The following CDH2 variants were observed in gnomAD, a reference collection of about 807,000 sequenced individuals.
CDH2 encodes cadherin-2.
In CDH2, 17 loss-of-function variants were observed where a neutral mutation model predicts 92.0. The observed-to-expected ratio is 0.18, with a 90% CI of 0.13 to 0.28. CDH2 has a LOEUF of 0.28. Among genes scored for constraint, CDH2 ranks in the 10% least tolerant of loss-of-function variants. The probability of loss-of-function intolerance (pLI) is 1.00; values close to 1 mark genes in which losing one functional copy is unlikely to be tolerated. For synonymous variants in CDH2, 419 were observed against 415.9 expected (o/e 1.01, Z -0.09); for missense variants, 862 against 1,133.1 (o/e 0.76, Z 3.44).
At chr18:28,107,051 T>C (rs1274648626) in intron 2 of CDH2, among the ~76,000 whole-genome samples, 1 of 152,034 alleles carries the variant, frequency 6.6e-6, no homozygotes, top group Non-Finnish European at 1.5e-5. Flanking sequence ...ACTCCACAAG[T>C]TTGACAATTA....
intron 2 of CDH2, among the ~76,000 whole-genome samples, chr18:28,037,642 C>T (rs2013861645): frequency 6.6e-6 from 1 of 152,052 alleles, no homozygotes; most frequent in Admixed American, 6.6e-5. Context: ...GAAAGCAAAG[C>T]TAACCACTGC....
intron 2 of CDH2, among the ~76,000 whole-genome samples, chr18:28,022,480 A>G (rs907520803): frequency 2.6e-5 from 4 of 152,086 alleles, no homozygotes; most frequent in African/African-American, 9.7e-5. Context: ...TCCTGATTGA[A>G]ATATCAAATT....
At position 27,952,063 on chromosome 18, in the gene CDH2, T is replaced by G; in HGVS notation, c.*90A>C. On this transcript the variant is annotated 3_prime_UTR_variant, in exon 16 of 16. Coordinates refer to ENST00000269141, the MANE Select transcript of CDH2 (RefSeq NM_001792.5). ...TCCAGCAAGCACTGTGCTAGTAGAC[T>G]ACAAAGTTAAAGCCTAGCTTCTGAA... 1.7e-6 allele frequency: 2 copies of G among 1,180,300 alleles called. No individual in the cohort carries two copies. The highest frequency in any genetic ancestry group is 2.5e-6 in the Non-Finnish European group (2 of 792,882). 73.1% of individuals were successfully genotyped at this position (1,180,300 alleles called of 1,614,324 possible).
chr18:28,134,227 G>C (rs2015824446), intron 2 of CDH2, among the ~76,000 whole-genome samples: 1 of 151,026 alleles, frequency 6.6e-6, no homozygotes, highest in Middle Eastern at 3.5e-3. Flanking sequence ...CCAAGACTGT[G>C]CCACTGCACT....
intron 2 of CDH2, among the ~76,000 whole-genome samples, chr18:28,025,032 T>G (rs972636538): frequency 2.0e-5 from 3 of 152,140 alleles, no homozygotes; most frequent in African/African-American, 7.2e-5. Context: ...TTGCATAAAA[T>G]CTTCACTGAG....
intron 7 of CDH2, among the ~76,000 whole-genome samples, chr18:27,997,345 G>T (rs2143991273): frequency 6.6e-6 from 1 of 152,286 alleles, no homozygotes; most frequent in African/African-American, 2.4e-5. Flanking sequence ...GTAAAACAGT[G>T]ACCAAAACGA....
rs189775573 is a variant in CDH2 at position 28,043,079 on chromosome 18, G to C, written c.173-29170C>G. 5.3e-3 allele frequency among the ~76,000 whole-genome samples: 800 copies of C among 152,052 alleles called. 11 individuals carry two copies. The highest frequency in any genetic ancestry group is 0.018 in the African/African-American group (754 of 41,438). Reference sequence around the variant, plus strand: ...TTAAAAAGAAATCAACTATTTGTTGGCTGTGATATATATATACACCATGGA... The same window carrying C: ...TTAAAAAGAAATCAACTATTTGTTGCCTGTGATATATATATACACCATGGA... On this transcript the variant is annotated intron_variant, in intron 2 of 15. Transcript: ENST00000269141.
intron 2 of CDH2, among the ~76,000 whole-genome samples, chr18:28,079,124 A>G (rs1361685812): frequency 6.6e-6 from 1 of 152,188 alleles, no homozygotes; most frequent in Admixed American, 6.5e-5. Flanking sequence ...TTAGCCATCT[A>G]AATTGTCTAC....
chr18:28,099,934 C>T (rs1309323720), intron 2 of CDH2, among the ~76,000 whole-genome samples: 1 of 152,002 alleles, frequency 6.6e-6, no homozygotes, highest in Admixed American at 6.6e-5. Flanking sequence ...CATTTTTAAC[C>T]AGCAAAAACA....
At chr18:28,051,157 G>A (rs2144126601) in intron 2 of CDH2, among the ~76,000 whole-genome samples, 1 of 152,022 alleles carries the variant, frequency 6.6e-6, no homozygotes, top group East Asian at 1.9e-4. Flanking sequence ...ATCCTTCCAG[G>A]TATTATATTA....
At chr18:28,164,290 T>A (rs1187837696) in intron 1 of CDH2, among the ~76,000 whole-genome samples, 1 of 152,184 alleles carries the variant, frequency 6.6e-6, no homozygotes, top group Admixed American at 6.5e-5. Context: ...GCAGCTCAGA[T>A]AACCTCACCA....
intron 7 of CDH2, among the ~76,000 whole-genome samples, chr18:27,995,805 TA>T (rs147889992): frequency 8.0e-5 from 12 of 150,196 alleles, no homozygotes; most frequent in Admixed American, 4.0e-4. Flanking sequence ...TCTCTTCAAA[TA>T]AAAAAAAAAT....
At chr18:28,116,909 T>A (rs1183276858) in intron 2 of CDH2, among the ~76,000 whole-genome samples, 2 of 152,126 alleles carry the variant, frequency 1.3e-5, no homozygotes, top group Non-Finnish European at 2.9e-5. Flanking sequence ...AGAATCAGTA[T>A]TTTATCTTTT....
intron 2 of CDH2, among the ~76,000 whole-genome samples, chr18:28,043,453 T>TATAAATAAATAA (rs1214087194): frequency 1.3e-5 from 1 of 77,146 alleles, no homozygotes; most frequent in African/African-American, 4.6e-5. Context: ...AAATTACTGA[T>TATAAATAAATAA]ATAAATAAAT....
intron 2 of CDH2, among the ~76,000 whole-genome samples, chr18:28,143,475 G>A (rs545651365): frequency 6.6e-6 from 1 of 151,920 alleles, no homozygotes; most frequent in South Asian, 2.1e-4. Flanking sequence ...TCTTCTGCTT[G>A]TAAACAGGTG....
At chr18:28,083,436 TTG>T (rs113552640) in intron 2 of CDH2, among the ~76,000 whole-genome samples, 24,664 of 152,004 alleles carry the variant, frequency 0.16, 2,291 homozygotes, top group East Asian at 0.3. Context: ...AAGAAAGAAA[TTG>T]TTTTAAAAAT....
At chr18:28,058,377 A>G (rs1054054103) in intron 2 of CDH2, among the ~76,000 whole-genome samples, 1 of 152,154 alleles carries the variant, frequency 6.6e-6, no homozygotes, top group African/African-American at 2.4e-5. Context: ...GAGGGACCAT[A>G]GAGTTCTTCT....
At chr18:27,963,815 C>A (rs926287581) in intron 14 of CDH2, 1 of 294,876 alleles carries the variant, frequency 3.4e-6, no homozygotes, top group Non-Finnish European at 6.4e-6. Context: ...ACTAAAAAAC[C>A]GACTAGACAA....
At chr18:27,970,324 T>G (rs1015929517) in intron 14 of CDH2, among the ~76,000 whole-genome samples, 8 of 152,156 alleles carry the variant, frequency 5.3e-5, no homozygotes, top group African/African-American at 1.9e-4. Context: ...AGTTCCAATT[T>G]CTTCTTGCAA....
Sources: gnomAD v4.1 joint callset for allele counts (sites outside exome capture counted in the v4.1 genomes callset) on GRCh38, gnomAD v4.1.1 for gene constraint, MANE v1.5 for transcripts, NCBI Gene and HGNC (gene_info 2026-07-23, HGNC 2026-07-21) for gene names.